Variants in THBS4 observed in about 807,000 individuals in gnomAD.
The protein encoded by THBS4 is thrombospondin 4.
THBS4 carries 90 observed loss-of-function variants against 115.7 expected under a neutral mutation model. The observed-to-expected ratio is 0.78, with a 90% confidence interval of 0.66 to 0.93. The LOEUF is 0.93. Ranked by LOEUF, THBS4 falls within the 40% of genes least tolerant of loss-of-function variation. The pLI is 0.00. For missense variants in THBS4, 1,087 were observed against 1,232.7 expected (o/e 0.88, Z 1.77); for synonymous variants, 460 against 479.3 (o/e 0.96, Z 0.53).
chr5:80,012,008 AAGG>A (rs1214096544), intron 2 of THBS4, among the ~76,000 whole-genome samples: 2 of 152,058 alleles, frequency 1.3e-5, no homozygotes, highest in Non-Finnish European at 2.9e-5. Flanking sequence ...TGTTTAAAAG[AAGG>A]AGACCAAAGT....
intron 8 of THBS4, among the ~76,000 whole-genome samples, chr5:80,063,812 G>C (rs1833719860): frequency 6.6e-6 from 1 of 152,224 alleles, no homozygotes; most frequent in Admixed American, 6.5e-5. Flanking sequence ...GAGCCACCTT[G>C]CTAAATTTAA....
intron 2 of THBS4, among the ~76,000 whole-genome samples, chr5:80,028,015 C>G (rs1208198715): frequency 6.6e-6 from 1 of 151,884 alleles, no homozygotes; most frequent in Non-Finnish European, 1.5e-5. Context: ...AGTTACTGCT[C>G]TATATATACT....
intron 2 of THBS4, among the ~76,000 whole-genome samples, chr5:80,044,519 T>A (rs1030283305): frequency 6.6e-6 from 1 of 152,084 alleles, no homozygotes; most frequent in Non-Finnish European, 1.5e-5. Flanking sequence ...GCCTCCTAGG[T>A]TCGACTGACT....
At chr5:79,995,060 AGAT>A (rs1346261774) in intron 1 of THBS4, among the ~76,000 whole-genome samples, 1 of 152,248 alleles carries the variant, frequency 6.6e-6, no homozygotes, top group Non-Finnish European at 1.5e-5. Flanking sequence ...AGGAATCTGA[AGAT>A]GAGTAAACGA....
At chr5:80,072,772 A>C in intron 14 of THBS4, 1 of 254,502 alleles carries the variant, frequency 3.9e-6, no homozygotes, top group East Asian at 8.0e-5. Flanking sequence ...GATTAAGTTC[A>C]GCCAGGGATG....
intron 2 of THBS4, among the ~76,000 whole-genome samples, chr5:80,007,989 C>T (rs527591255): frequency 4.6e-5 from 7 of 152,270 alleles, no homozygotes; most frequent in Non-Finnish European, 8.8e-5. Context: ...GATCTTACAA[C>T]AAACTGGGCC....
intron 2 of THBS4, among the ~76,000 whole-genome samples, chr5:80,020,644 G>A (rs546537404): frequency 1.3e-5 from 2 of 152,280 alleles, no homozygotes; most frequent in African/African-American, 2.4e-5. Flanking sequence ...TCTTCCTCTG[G>A]TGTGATAGCA....
Position 80,035,607 on chromosome 5 carries a change from GC to G in THBS4, c.73del (p.Gln25ArgfsTer17). The G allele has an allele frequency of 1.4e-6, 2 of 1,404,646 alleles. No homozygotes were observed. The highest frequency in any genetic ancestry group is 3.1e-5 in the South Asian group (2 of 64,736). The allele number at this position is 1,404,646 out of a possible 1,614,324, so 87.0% of individuals were successfully genotyped here. A position where few individuals can be genotyped will look rare whatever the true frequency, so the allele number is the denominator to read the frequency against. On this transcript the variant is annotated frameshift_variant, in exon 1 of 22. Transcript: ENST00000350881. LOFTEE classifies it high-confidence loss of function. This position sits in a 1 kb window ranked among gnomAD's most constrained non-coding sequence, Gnocchi z 4.6. ...LVLQRWLAAG[A>X]QATPQVFDLL... The stretch of plus-strand genomic sequence containing the variant: ...CCTGCAGCGGTGGCTAGCGGCAGGC[GC>G]CCAGGCCACCCCCCAGGGTAAGTGG...
At chr5:80,078,830 A>C in intron 17 of THBS4, 91 bp from the exon 18 acceptor site, 1 of 1,188,750 alleles carries the variant, frequency 8.4e-7, no homozygotes, top group African/African-American at 1.5e-5. Flanking sequence ...ATCACTGGCC[A>C]CTCACTCATA....
intron 2 of THBS4, chr5:80,053,225 C>A (rs906447356): frequency 6.6e-6 from 1 of 151,686 alleles, no homozygotes; most frequent in South Asian, 2.1e-4. Flanking sequence ...TTTTACTTAA[C>A]AAAATACTGG....
intron 1 of THBS4, among the ~76,000 whole-genome samples, 187 bp from the exon 2 acceptor site, chr5:80,039,890 A>T (rs1185495660): frequency 1.3e-5 from 2 of 152,200 alleles, no homozygotes; most frequent in African/African-American, 2.4e-5. Context: ...TTCTGGCTCA[A>T]ATGTCCAGCC....
intron 21 of THBS4, among the ~76,000 whole-genome samples, 160 bp downstream of exon 21, chr5:80,082,705 A>G (rs2434300): frequency 0.94 from 143,248 of 152,318 alleles, 67,663 homozygotes; most frequent in Middle Eastern, 1. Context: ...AAAGCAGATC[A>G]CATTTATCCT....
chr5:80,082,987 C>A, intron 21 of THBS4, 93 bp from the exon 22 acceptor site: 1 of 1,113,780 alleles, frequency 9.0e-7, no homozygotes, highest in Non-Finnish European at 1.3e-6. Flanking sequence ...GGGCTAACAG[C>A]GCCCCCTACA....
intron 1 of THBS4, chr5:80,036,175 G>A (rs1030955121): frequency 1.0e-6 from 1 of 985,350 alleles, no homozygotes; most frequent in African/African-American, 1.7e-5. Context: ...CTTAATTTCT[G>A]AGGTAAATAG....
chr5:80,027,440 T>G (rs1325644159), intron 2 of THBS4, among the ~76,000 whole-genome samples: 1 of 152,122 alleles, frequency 6.6e-6, no homozygotes, highest in Non-Finnish European at 1.5e-5. Flanking sequence ...CCAAAGCACC[T>G]CCACAGCTCT....
chr5:80,065,452 C>A lies in THBS4; in HGVS notation c.1169C>A (p.Pro390His). 2 of 1,613,688 alleles carry A rather than the reference C, an allele frequency of 1.2e-6. No homozygotes were observed. The highest frequency in any genetic ancestry group is 1.7e-6 in the Non-Finnish European group (2 of 1,179,890). The change falls in exon 9 of 22, where the codon CCC becomes CAC. Residue 390 changes from proline (P) to histidine (H), a missense_variant. This residue lies in a region of THBS4 where 979 missense variants were observed against 1,103.7 expected (regional missense o/e 0.89). Coordinates refer to ENST00000350881, the MANE Select transcript of THBS4 (RefSeq NM_003248.6). The stretch of plus-strand genomic sequence containing the variant: ...GAGTGTCGAAATGGAGCGTGCGTTC[C>A]CAACTCGATCTGCGTTAATACTTTG... ...IDECRNGACV[P>H]NSICVNTLGS...
chr5:80,040,006 C>A (rs927325121), intron 1 of THBS4, 71 bp from the exon 2 acceptor site: 1 of 1,404,472 alleles, frequency 7.1e-7, no homozygotes, highest in Non-Finnish European at 1.0e-6. Context: ...GCACCCCCCC[C>A]AAACAAAGAA....
rs1279371293 is a variant in THBS4, at chr5:80,035,599, C to A, written c.62C>A (p.Ala21Glu). Residue 21 changes from alanine to glutamate, a missense_variant, in exon 1 of 22, where the codon GCG becomes GAG. Ala to Glu is a moderately radical substitution (Grantham distance 107, BLOSUM62 -1). Around this residue, in one of 3 missense-constraint regions of THBS4, gnomAD observed 979 missense variants for 1,103.7 expected, o/e 0.89. Transcript: ENST00000350881. The surrounding 1 kb of genome is among the most constrained non-coding windows in gnomAD (Gnocchi z 4.6). ...LLHLVLQRWL[A>E]AGAQATPQVF... ...CACCTGGTCCTGCAGCGGTGGCTAG[C>A]GGCAGGCGCCCAGGCCACCCCCCAG... The A allele has an allele frequency of 7.0e-7, 1 of 1,418,604 alleles. No homozygotes were observed. The highest frequency in any genetic ancestry group is 9.2e-7 in the Non-Finnish European group (1 of 1,085,256). 87.9% of individuals were successfully genotyped at this position (1,418,604 alleles called of 1,614,324 possible).
At chr5:79,993,283 A>G (rs1005927549) in intron 1 of THBS4, among the ~76,000 whole-genome samples, 7 of 152,238 alleles carry the variant, frequency 4.6e-5, no homozygotes, top group Admixed American at 3.3e-4. Context: ...GATAATAGCA[A>G]TCTTTTATTG....
Sources: gnomAD v4.1 joint callset for allele counts (sites outside exome capture counted in the v4.1 genomes callset) on GRCh38, gnomAD v4.1.1 for gene constraint, gnomAD v4.1.1 regional missense constraint, Gnocchi (gnomAD v3.1) non-coding constraint, MANE v1.5 for transcripts, NCBI Gene and HGNC (gene_info 2026-07-23, HGNC 2026-07-21) for gene names.